The following KCND3 variants were observed in gnomAD, a reference collection of about 807,000 sequenced individuals.
KCND3 encodes the protein potassium voltage-gated channel subfamily D member 3.
In KCND3, 9 loss-of-function variants were observed where a neutral mutation model predicts 51.1. The observed-to-expected ratio is 0.18, with a 90% CI of 0.11 to 0.31. The LOEUF (loss-of-function observed/expected upper bound fraction) is 0.31, where lower values mean the gene tolerates loss of function less well. Among genes scored for constraint, KCND3 ranks in the 10% least tolerant of loss-of-function variants. The pLI is 1.00. For missense variants in KCND3, 526 were observed against 903.8 expected (o/e 0.58, Z 5.36); for synonymous variants, 349 against 368.0 (o/e 0.95, Z 0.59).
intron 5 of KCND3, 74 bp from the exon 6 acceptor site, chr1:111,778,566 A>G: frequency 7.2e-7 from 1 of 1,391,494 alleles, no homozygotes; most frequent in East Asian, 2.3e-5. Context: ...GCCAGTTTTG[A>G]CATTCAATCT....
Position 111,800,488 on chromosome 1 carries a change from C to T in KCND3, c.1107-13382G>A, listed in dbSNP as rs866051763. ...TGCTGACCTTCCCTCCACTATTGTC[C>T]CATGACCCTGCCAAATCCCCCTCTG... On this transcript the variant is annotated intron_variant, in intron 2 of 7. Coordinates refer to ENST00000302127, the MANE Select transcript of KCND3 (RefSeq NM_001378969.1). Among the ~76,000 whole-genome samples, 49 of 134,412 alleles carry T rather than the reference C, an allele frequency of 3.6e-4. No individual in the cohort carries two copies. The Middle Eastern group carries it at 0.022, about 60-fold the overall frequency. The allele number at this position is 134,412 out of a possible 152,430, so 88.2% of individuals were successfully genotyped here.
At chr1:111,802,111 C>G (rs1665338551) in intron 2 of KCND3, among the ~76,000 whole-genome samples, 1 of 152,274 alleles carries the variant, frequency 6.6e-6, no homozygotes, top group Non-Finnish European at 1.5e-5. Context: ...AAAATCAAGT[C>G]TGTAAAAGCA....
intron 2 of KCND3, among the ~76,000 whole-genome samples, chr1:111,853,472 C>T (rs1294551567): frequency 1.3e-5 from 2 of 152,074 alleles, no homozygotes; most frequent in Non-Finnish European, 2.9e-5. Context: ...CCCAACCTCC[C>T]CTCACTTCCT....
chr1:111,846,452 C>A (rs192330255), intron 2 of KCND3, among the ~76,000 whole-genome samples: 13 of 152,156 alleles, frequency 8.5e-5, no homozygotes, highest in Non-Finnish European at 1.2e-4. Flanking sequence ...GCTGCTGCTG[C>A]TGATAAAAGA....
At chr1:111,903,147 T>C (rs903349794) in intron 2 of KCND3, among the ~76,000 whole-genome samples, 1 of 152,184 alleles carries the variant, frequency 6.6e-6, no homozygotes, top group Non-Finnish European at 1.5e-5. Flanking sequence ...CTGGGACATA[T>C]ACTCAGCCTG....
At chr1:111,858,473 A>G (rs1668191032) in intron 2 of KCND3, among the ~76,000 whole-genome samples, 1 of 152,206 alleles carries the variant, frequency 6.6e-6, no homozygotes, top group South Asian at 2.1e-4. Context: ...TCTCCATAAA[A>G]ACTTTTTAAA....
At chr1:111,883,871 T>G (rs1669446728) in intron 2 of KCND3, among the ~76,000 whole-genome samples, 1 of 152,204 alleles carries the variant, frequency 6.6e-6, no homozygotes, top group African/African-American at 2.4e-5. Flanking sequence ...GATGCTGAAT[T>G]TTTCCCCCAA....
chr1:111,965,721 C>A (rs1235468277), intron 2 of KCND3, among the ~76,000 whole-genome samples: 1 of 152,034 alleles, frequency 6.6e-6, no homozygotes, highest in Non-Finnish European at 1.5e-5. Context: ...TTTGGGCACA[C>A]CCTCCCTCAT....
intron 2 of KCND3, among the ~76,000 whole-genome samples, chr1:111,927,519 G>A (rs944973355): frequency 2.0e-5 from 3 of 152,232 alleles, no homozygotes; most frequent in Non-Finnish European, 2.9e-5. Context: ...CAGGTGAAAG[G>A]GCAAGTCACT....
intron 2 of KCND3, among the ~76,000 whole-genome samples, chr1:111,813,633 C>G (rs973023963): frequency 1.3e-5 from 2 of 152,022 alleles, no homozygotes; most frequent in African/African-American, 4.8e-5. Flanking sequence ...CACACCTGTA[C>G]CAGGTGCGGA....
At chr1:111,793,046 T>C (rs889819960) in intron 2 of KCND3, among the ~76,000 whole-genome samples, 1 of 151,716 alleles carries the variant, frequency 6.6e-6, no homozygotes, top group Non-Finnish European at 1.5e-5. Flanking sequence ...ATTTACTTTT[T>C]GTAGAGGTGG....
intron 2 of KCND3, among the ~76,000 whole-genome samples, chr1:111,895,211 GGACGGAGAGGGAGGAGGGAA>G: frequency 6.6e-6 from 1 of 151,396 alleles, no homozygotes; most frequent in African/African-American, 2.4e-5. Context: ...GGCAGGGTGA[GGACGGAGAGGGAGGAGGGAA>G]GGATGATTCT....
Position 111,826,461 on chromosome 1 carries a change from G to A in KCND3, c.1107-39355C>T, listed in dbSNP as rs748026216. 1.2e-4 allele frequency among the ~76,000 whole-genome samples: 18 copies of A among 152,282 alleles called. No homozygotes were observed. The Middle Eastern group carries it at 0.01, about 86-fold the overall frequency. Reference sequence around the variant, plus strand: ...CTTTCAACTTTCAGGTCTAGGACACGTGTCTGCTCTCATGCCACGTGCTCT... The same window carrying A: ...CTTTCAACTTTCAGGTCTAGGACACATGTCTGCTCTCATGCCACGTGCTCT... On this transcript the variant is annotated intron_variant, in intron 2 of 7. Coordinates refer to ENST00000302127, the MANE Select transcript of KCND3 (RefSeq NM_001378969.1).
chr1:111,860,469 C>G (rs1314650796), intron 2 of KCND3, among the ~76,000 whole-genome samples: 1 of 152,172 alleles, frequency 6.6e-6, no homozygotes, highest in East Asian at 1.9e-4. Context: ...TGCATCCAGG[C>G]CCCTGGGGAA....
intron 2 of KCND3, chr1:111,910,091 C>T (rs1164170671): frequency 6.6e-6 from 1 of 151,906 alleles, no homozygotes; most frequent in East Asian, 1.9e-4. Context: ...AACTCCCAAA[C>T]TCTCTCTCTC....
chr1:111,833,697 AC>A (rs1317642310), intron 2 of KCND3, among the ~76,000 whole-genome samples: 1 of 152,050 alleles, frequency 6.6e-6, no homozygotes, highest in Non-Finnish European at 1.5e-5. Flanking sequence ...TCTAAAACAG[AC>A]TCTCTCAATA....
chr1:111,840,990 A>G (rs1190581859), intron 2 of KCND3, among the ~76,000 whole-genome samples: 2 of 152,236 alleles, frequency 1.3e-5, no homozygotes, highest in Non-Finnish European at 2.9e-5. Flanking sequence ...CATATCAATG[A>G]TTCATTCTTT....
At position 111,780,765 on chromosome 1, in the gene KCND3, C is replaced by T. The variant is rs1345353463; in HGVS notation, c.1296G>A (p.Val432=). 1.2e-6 allele frequency: 2 copies of T among 1,613,498 alleles called. No homozygotes were observed. The highest frequency in any genetic ancestry group is 2.2e-5 in the South Asian group (2 of 90,698). Residue 432 remains valine (V), a synonymous_variant, in exon 4 of 8, where the codon GTG becomes GTA. Coordinates refer to ENST00000302127, the MANE Select transcript of KCND3 (RefSeq NM_001378969.1). This position sits in a 1 kb window ranked among gnomAD's most constrained non-coding sequence, Gnocchi z 4.2. ...ATGCATTCGAACTGCCTGTTTTGGC[C>T]ACACGGATCCTGGCAAGGCGGGCCT... The part of the protein sequence containing the change: ...QKKARLARIR[V]AKTGSSNAYL...
intron 2 of KCND3, among the ~76,000 whole-genome samples, chr1:111,823,835 C>A (rs528685989): frequency 6.6e-6 from 1 of 152,236 alleles, no homozygotes; most frequent in South Asian, 2.1e-4. Context: ...GGGGGAAATT[C>A]TGACTACATA....
Sources: allele counts gnomAD v4.1 joint callset (sites outside exome capture counted in the v4.1 genomes callset), GRCh38; gene constraint gnomAD v4.1.1; non-coding constraint Gnocchi (gnomAD v3.1); transcripts MANE v1.5; gene names NCBI Gene and HGNC (gene_info 2026-07-23, HGNC 2026-07-21).